Variants in TOX3 observed in about 807,000 individuals in gnomAD.
TOX3 encodes the protein TOX high mobility group box family member 3.
A neutral mutation model predicts 64.3 loss-of-function variants in TOX3; 22 were observed. The ratio of observed to expected loss-of-function variants is 0.34; its 90% confidence interval spans 0.24 to 0.49. The LOEUF is 0.49. Ranked by LOEUF, TOX3 falls within the 20% of genes least tolerant of loss-of-function variation. TOX3 has a pLI of 0.99. For synonymous variants in TOX3, 291 were observed against 273.6 expected (o/e 1.06, Z -0.63); for missense variants, 661 against 714.4 (o/e 0.93, Z 0.85).
At chr16:52,516,187 AG>A (rs1272119641) in intron 1 of TOX3, among the ~76,000 whole-genome samples, 4 of 152,310 alleles carry the variant, frequency 2.6e-5, no homozygotes, top group African/African-American at 9.6e-5. Flanking sequence ...AATCAATCAA[AG>A]ATTAACATTA....
intron 1 of TOX3, among the ~76,000 whole-genome samples, chr16:52,489,747 A>G (rs1055446906): frequency 3.9e-5 from 6 of 152,196 alleles, no homozygotes; most frequent in African/African-American, 1.4e-4. Context: ...AATCAAATAC[A>G]GAGCTTATCT....
intron 2 of TOX3, among the ~76,000 whole-genome samples, chr16:52,467,716 A>G (rs1960910893): frequency 6.6e-6 from 1 of 152,170 alleles, no homozygotes; most frequent in African/African-American, 2.4e-5. Flanking sequence ...GTTTTATCTA[A>G]TCAAGATTGA....
chr16:52,530,552 G>A (rs968472562), intron 1 of TOX3, among the ~76,000 whole-genome samples: 1 of 152,050 alleles, frequency 6.6e-6, no homozygotes, highest in Non-Finnish European at 1.5e-5. Context: ...GGTCATGGTT[G>A]GCCAGGATGG....
At chr16:52,523,103 A>G (rs1303897867) in intron 1 of TOX3, among the ~76,000 whole-genome samples, 1 of 152,234 alleles carries the variant, frequency 6.6e-6, no homozygotes. Context: ...GAGGACGGAG[A>G]GTATCAGGGA....
chr16:52,438,917 T>C lies in TOX3; in HGVS notation c.*308A>G, dbSNP rs776591510. On this transcript the variant is annotated 3_prime_UTR_variant, in exon 7 of 7. Coordinates refer to ENST00000219746, the MANE Select transcript of TOX3 (RefSeq NM_001080430.4). ...AGAGAGGCCAGTTTATAGTCATCAG[T>C]ATGTCCCAGGATTCATTAAACAGTT... 3 of 550,966 alleles carry C rather than the reference T, an allele frequency of 5.4e-6. No individual in the cohort carries two copies. The highest frequency in any genetic ancestry group is 3.8e-5 in the African/African-American group (2 of 53,266). The allele number at this position is 550,966 out of a possible 1,614,324, so 34.1% of individuals were successfully genotyped here.
chr16:52,525,102 T>G (rs553886209), intron 1 of TOX3, among the ~76,000 whole-genome samples: 1 of 152,338 alleles, frequency 6.6e-6, no homozygotes, highest in African/African-American at 2.4e-5. Context: ...AATCCCGTGC[T>G]TTGTGTGTGC....
At chr16:52,482,391 A>G (rs191007152) in intron 1 of TOX3, among the ~76,000 whole-genome samples, 1 of 152,280 alleles carries the variant, frequency 6.6e-6, no homozygotes. Flanking sequence ...TAAATCATAT[A>G]TTAAATTTTA....
chr16:52,518,280 G>A (rs1962509417), intron 1 of TOX3, among the ~76,000 whole-genome samples: 1 of 152,098 alleles, frequency 6.6e-6, no homozygotes, highest in South Asian at 2.1e-4. Context: ...ACAGTACACT[G>A]CACTCCCACA....
intron 1 of TOX3, among the ~76,000 whole-genome samples, chr16:52,504,134 G>A (rs1962085695): frequency 6.6e-6 from 1 of 152,142 alleles, no homozygotes; most frequent in African/African-American, 2.4e-5. Flanking sequence ...TCTGTGTTGG[G>A]AGAGGATAAC....
intron 1 of TOX3, among the ~76,000 whole-genome samples, chr16:52,486,631 T>C (rs1658377102): frequency 6.6e-6 from 1 of 152,108 alleles, no homozygotes; most frequent in African/African-American, 2.4e-5. Context: ...GGAAGAATTA[T>C]AGATATAAAG....
chr16:52,520,120 A>G (rs1388428303), intron 1 of TOX3, among the ~76,000 whole-genome samples: 1 of 152,218 alleles, frequency 6.6e-6, no homozygotes, highest in Non-Finnish European at 1.5e-5. Context: ...AAATATGGGT[A>G]TATAAAATCC....
intron 3 of TOX3, among the ~76,000 whole-genome samples, chr16:52,452,391 T>C (rs1960379124): frequency 6.6e-6 from 1 of 152,202 alleles, no homozygotes; most frequent in African/African-American, 2.4e-5. Context: ...TCCAGTTTCA[T>C]CCATGTACCT....
chr16:52,437,725 C>T lies in TOX3; in HGVS notation c.*1500G>A, dbSNP rs544770940. Among the ~76,000 whole-genome samples the T allele has an allele frequency of 6.7e-6, 1 of 149,228 alleles. No individual in the cohort carries two copies. The highest frequency in any genetic ancestry group is 2.5e-5 in the African/African-American group (1 of 40,470). ...ATCGCAATAACATTACAATACCCAG[C>T]TAGTTCTAGCCCCCTCAAAAAAGCG... On this transcript the variant is annotated 3_prime_UTR_variant, in exon 7 of 7. Transcript: ENST00000219746.
At chr16:52,537,453 G>A (rs562615903) in intron 1 of TOX3, among the ~76,000 whole-genome samples, 2 of 152,224 alleles carry the variant, frequency 1.3e-5, no homozygotes, top group South Asian at 4.2e-4. Context: ...CATAAGCACA[G>A]GCTCATTTTG....
chr16:52,459,626 T>C (rs1235173145), intron 3 of TOX3, among the ~76,000 whole-genome samples: 3 of 152,206 alleles, frequency 2.0e-5, no homozygotes, highest in Non-Finnish European at 4.4e-5. Flanking sequence ...CTGTGAACTT[T>C]AGCTCCCCAG....
chr16:52,489,267 C>A (rs1314237757), intron 1 of TOX3, among the ~76,000 whole-genome samples: 1 of 152,052 alleles, frequency 6.6e-6, no homozygotes, highest in Non-Finnish European at 1.5e-5. Flanking sequence ...CACTGCTGAG[C>A]CCCTCTCAAA....
intron 2 of TOX3, among the ~76,000 whole-genome samples, chr16:52,465,355 C>T (rs1448837807): frequency 1.3e-5 from 2 of 151,028 alleles, no homozygotes; most frequent in East Asian, 1.9e-4. Context: ...AATAGGGCCT[C>T]GTGATATAAA....
At chr16:52,533,321 T>C (rs970647172) in intron 1 of TOX3, among the ~76,000 whole-genome samples, 1 of 152,150 alleles carries the variant, frequency 6.6e-6, no homozygotes, top group African/African-American at 2.4e-5. Flanking sequence ...CCATGTGCCA[T>C]TCAAGTTTGA....
intron 1 of TOX3, among the ~76,000 whole-genome samples, chr16:52,546,292 C>G (rs962288933): frequency 3.3e-5 from 5 of 152,110 alleles, no homozygotes; most frequent in Non-Finnish European, 7.4e-5. Context: ...TCCAGGGGGG[C>G]TGCGATCGTG....
Sources: allele counts gnomAD v4.1 joint callset (sites outside exome capture counted in the v4.1 genomes callset), GRCh38; gene constraint gnomAD v4.1.1; transcripts MANE v1.5; gene names NCBI Gene and HGNC (gene_info 2026-07-23, HGNC 2026-07-21).